Variants in SAE1 observed in about 807,000 individuals in gnomAD.
The protein encoded by SAE1 is SUMO-activating enzyme subunit 1.
In SAE1, 11 loss-of-function variants were observed where a neutral mutation model predicts 40.6. That is an observed-to-expected ratio of 0.27 (90% confidence interval 0.17 to 0.45). The LOEUF is 0.45. Among genes scored for constraint, SAE1 ranks in the 20% least tolerant of loss-of-function variants. The probability of loss-of-function intolerance (pLI) is 1.00; values close to 1 mark genes in which losing one functional copy is unlikely to be tolerated. For missense variants in SAE1, 373 were observed against 427.3 expected, an observed-to-expected ratio of 0.87 and a Z score of 1.12; for synonymous variants, 155 against 154.3, an observed-to-expected ratio of 1.00 and a Z score of -0.03.
intron 5 of SAE1, among the ~76,000 whole-genome samples, chr19:47,157,047 G>A (rs1461834710): frequency 6.6e-6 from 1 of 152,170 alleles, no homozygotes; most frequent in Admixed American, 6.5e-5. Context: ...ACGCTAACGA[G>A]GGGATTCTAA....
intron 6 of SAE1, among the ~76,000 whole-genome samples, chr19:47,179,722 AC>A (rs1312015606): frequency 6.6e-6 from 1 of 151,886 alleles, no homozygotes. Context: ...GCAATACCAC[AC>A]CCAGCTGATT....
At chr19:47,160,720 G>A (rs996562207) in intron 5 of SAE1, among the ~76,000 whole-genome samples, 3 of 151,078 alleles carry the variant, frequency 2.0e-5, no homozygotes, top group Non-Finnish European at 4.4e-5. Flanking sequence ...TAGTAGAAAC[G>A]GGGTTTCACC....
chr19:47,197,684 A>G (rs1290846196), intron 7 of SAE1, among the ~76,000 whole-genome samples: 5 of 152,274 alleles, frequency 3.3e-5, no homozygotes, highest in Middle Eastern at 3.4e-3. Context: ...TCTTGGGGAC[A>G]TCTCCAGATC....
intron 5 of SAE1, among the ~76,000 whole-genome samples, chr19:47,165,745 T>C (rs1292354581): frequency 1.3e-5 from 2 of 152,218 alleles, no homozygotes; most frequent in Non-Finnish European, 2.9e-5. Flanking sequence ...TTGTTTTGTT[T>C]TTAATTGTTA....
intron 5 of SAE1, among the ~76,000 whole-genome samples, chr19:47,165,893 A>G (rs1012987321): frequency 6.6e-6 from 1 of 152,178 alleles, no homozygotes; most frequent in Non-Finnish European, 1.5e-5. Context: ...CTTTCCCTTT[A>G]GAGCATTGTC....
At chr19:47,136,413 C>T (rs1407875556) in intron 1 of SAE1, among the ~76,000 whole-genome samples, 2 of 151,968 alleles carry the variant, frequency 1.3e-5, no homozygotes, top group Non-Finnish European at 2.9e-5. Context: ...GTTGCAATTA[C>T]AGGCGTGAGC....
At chr19:47,189,813 G>A (rs1377765837) in intron 6 of SAE1, among the ~76,000 whole-genome samples, 1 of 152,096 alleles carries the variant, frequency 6.6e-6, no homozygotes, top group Non-Finnish European at 1.5e-5. Flanking sequence ...TGGTTTATTC[G>A]GTGGCCTTGG....
At chr19:47,168,870 C>T (rs1189400733) in intron 5 of SAE1, among the ~76,000 whole-genome samples, 1 of 152,004 alleles carries the variant, frequency 6.6e-6, no homozygotes, top group Non-Finnish European at 1.5e-5. Context: ...TCCCAAAGTG[C>T]TAGGATCACA....
intron 2 of SAE1, among the ~76,000 whole-genome samples, chr19:47,149,688 G>A (rs1158073523): frequency 6.6e-6 from 1 of 152,098 alleles, no homozygotes; most frequent in African/African-American, 2.4e-5. Context: ...ACAAGGGGGT[G>A]CTCTTTAACC....
intron 1 of SAE1, chr19:47,135,481 C>T (rs1218253064): frequency 6.6e-6 from 1 of 152,132 alleles, no homozygotes; most frequent in Non-Finnish European, 1.5e-5. Flanking sequence ...ATCCAGTGCC[C>T]TCCCTGTTGT....
intron 5 of SAE1, among the ~76,000 whole-genome samples, chr19:47,155,749 C>G (rs559169740): frequency 7.5e-5 from 9 of 119,798 alleles, no homozygotes; most frequent in Admixed American, 6.1e-4. Flanking sequence ...GCCCCATACC[C>G]TTTTTTTTTT....
chr19:47,141,232 A>G (rs1405592287), intron 1 of SAE1, among the ~76,000 whole-genome samples: 1 of 151,614 alleles, frequency 6.6e-6, no homozygotes, highest in East Asian at 1.9e-4. Context: ...GAACCCCTGG[A>G]CTCAAGTGAT....
intron 4 of SAE1, among the ~76,000 whole-genome samples, chr19:47,153,817 G>C (rs981891041): frequency 2.6e-5 from 4 of 152,212 alleles, no homozygotes; most frequent in African/African-American, 9.6e-5. Context: ...TTGAGACGGA[G>C]TTTTGCTGTT....
intron 7 of SAE1, among the ~76,000 whole-genome samples, chr19:47,203,130 T>C (rs774064195): frequency 4.4e-4 from 67 of 152,048 alleles, no homozygotes; most frequent in Non-Finnish European, 7.5e-4. Context: ...GACTGTGTCA[T>C]CTAAAATTTG....
chr19:47,200,401 T>C (rs1283148276), intron 7 of SAE1, among the ~76,000 whole-genome samples: 1 of 73,726 alleles, frequency 1.4e-5, no homozygotes, highest in African/African-American at 5.8e-5. Context: ...CCTGCCTAAT[T>C]TTTTTTTTTT....
chr19:47,131,421 C>T (rs550362435), intron 1 of SAE1, among the ~76,000 whole-genome samples: 22 of 152,156 alleles, frequency 1.4e-4, no homozygotes, highest in African/African-American at 5.1e-4. Context: ...GGGTATGGGA[C>T]CTGGTTCCGT....
At chr19:47,198,492 C>T (rs369645255) in intron 7 of SAE1, among the ~76,000 whole-genome samples, 1 of 152,128 alleles carries the variant, frequency 6.6e-6, no homozygotes, top group African/African-American at 2.4e-5. Flanking sequence ...TTCCTAAACT[C>T]GGCTTTGCAG....
intron 7 of SAE1, among the ~76,000 whole-genome samples, chr19:47,201,156 C>G (rs2058651943): frequency 6.6e-6 from 1 of 151,856 alleles, no homozygotes; most frequent in Admixed American, 6.6e-5. Context: ...TCAAGTGATT[C>G]TTCTGTCTCA....
intron 1 of SAE1, 137 bp downstream of exon 1, chr19:47,131,165 CTT>C: frequency 3.5e-6 from 5 of 1,412,570 alleles, no homozygotes; most frequent in Non-Finnish European, 4.6e-6. Flanking sequence ...TCGTCTCTCT[CTT>C]GGGGGGACTG....
Sources: allele counts gnomAD v4.1 joint callset (sites outside exome capture counted in the v4.1 genomes callset), GRCh38; gene constraint gnomAD v4.1.1; transcripts MANE v1.5; gene names NCBI Gene and HGNC (gene_info 2026-07-23, HGNC 2026-07-21).